Variants in WWOX observed in about 807,000 individuals in gnomAD.
WWOX encodes the protein WW domain containing oxidoreductase.
A neutral mutation model predicts 46.2 loss-of-function variants in WWOX; 69 were observed. The observed-to-expected ratio is 1.49, with a 90% CI of 1.23 to 1.82. The LOEUF (loss-of-function observed/expected upper bound fraction) is 1.82, where lower values mean the gene tolerates loss of function less well. Ranked by LOEUF, WWOX falls within the 40% of genes most tolerant of loss-of-function variation. The pLI is 0.00. For synonymous variants in WWOX, 359 were observed against 202.6 expected (o/e 1.77, Z -6.56); for missense variants, 919 against 542.6 (o/e 1.69, Z -6.89).
chr16:78,938,044 G>C (rs2045778032), intron 8 of WWOX, among the ~76,000 whole-genome samples: 1 of 152,166 alleles, frequency 6.6e-6, no homozygotes, highest in South Asian at 2.1e-4. Flanking sequence ...TGGGGAGATA[G>C]GTCACTTTCC....
chr16:78,281,204 G>C (rs567585571), intron 5 of WWOX, among the ~76,000 whole-genome samples: 1 of 152,220 alleles, frequency 6.6e-6, no homozygotes, highest in Non-Finnish European at 1.5e-5. Context: ...AAAATGACCA[G>C]ATCTCCAGAG....
chr16:78,524,155 C>G (rs2043407278), intron 8 of WWOX, among the ~76,000 whole-genome samples: 1 of 152,102 alleles, frequency 6.6e-6, no homozygotes, highest in South Asian at 2.1e-4. Flanking sequence ...GGTTGATTCC[C>G]TTCTTTCTGC....
intron 8 of WWOX, among the ~76,000 whole-genome samples, chr16:78,934,286 C>T (rs1464583942): frequency 1.4e-5 from 2 of 143,536 alleles, no homozygotes; most frequent in Non-Finnish European, 3.0e-5. Context: ...TGCAGTGAGC[C>T]GAGATCGCAC....
chr16:78,422,674 T>TATATATATATACACACACACACACAC (rs1567563240), intron 6 of WWOX, among the ~76,000 whole-genome samples: 1 of 63,228 alleles, frequency 1.6e-5, no homozygotes, highest in African/African-American at 8.8e-5. Flanking sequence ...TATATATATA[T>TATATATATATACACACACACACACAC]ATATATATAT....
rs2081950240 is a variant in WWOX, at chr16:78,381,220, A to G, written c.517-5640A>G. 2.0e-5 allele frequency among the ~76,000 whole-genome samples: 3 copies of G among 152,242 alleles called. 1 individual carries two copies. Among genetic ancestry groups the G allele is most frequent in the Admixed American group, 1.3e-4 (2 of 15,286 alleles). On this transcript the variant is annotated intron_variant, in intron 5 of 8. Transcript: ENST00000566780. ...TATCGCATCAGAGTCACATATGGCT[A>G]ATTTATAGTCATAAAATGATACTAG...
At chr16:78,384,509 C>G (rs1013885841) in intron 5 of WWOX, among the ~76,000 whole-genome samples, 4 of 152,114 alleles carry the variant, frequency 2.6e-5, no homozygotes, top group Admixed American at 2.0e-4. Flanking sequence ...AGGTACACAC[C>G]TTTCACGGGG....
At chr16:78,288,267 CTT>C (rs201333228) in intron 5 of WWOX, among the ~76,000 whole-genome samples, 115 of 124,452 alleles carry the variant, frequency 9.2e-4, no homozygotes, top group Non-Finnish European at 1.0e-3. Flanking sequence ...TATGAGTTTA[CTT>C]TTTTTTTTTT....
At chr16:79,116,423 C>T (rs1048909631) in intron 8 of WWOX, among the ~76,000 whole-genome samples, 1 of 152,178 alleles carries the variant, frequency 6.6e-6, no homozygotes, top group Non-Finnish European at 1.5e-5. Context: ...TATTCTAAAT[C>T]CTCTGTTGTC....
In WWOX at chr16:78,717,108, A is replaced by G. The variant is rs527541040; in HGVS notation, c.1056+284356A>G. 5.6e-4 allele frequency among the ~76,000 whole-genome samples: 86 copies of G among 152,346 alleles called. 1 individual carries two copies. The South Asian group carries it at 0.018, about 32-fold the overall frequency. On this transcript the variant is annotated intron_variant, in intron 8 of 8. Transcript: ENST00000566780. ...TGGTGATGACAGTGATTATTCCAAG[A>G]GATGGCTGTAAGCTCCCTGAGAACA...
intron 8 of WWOX, among the ~76,000 whole-genome samples, chr16:78,752,376 C>G (rs1312764662): frequency 6.6e-6 from 1 of 152,198 alleles, no homozygotes; most frequent in Non-Finnish European, 1.5e-5. Context: ...CAACCTCTGC[C>G]TCCTGGGTTC....
chr16:79,151,945 C>T (rs756092479), intron 8 of WWOX, among the ~76,000 whole-genome samples: 1 of 152,134 alleles, frequency 6.6e-6, no homozygotes, highest in African/African-American at 2.4e-5. Context: ...CCGAGGATAT[C>T]TGGGCTCTGA....
At chr16:78,429,242 G>T (rs369389145) in intron 7 of WWOX, among the ~76,000 whole-genome samples, 1 of 152,214 alleles carries the variant, frequency 6.6e-6, no homozygotes, top group East Asian at 1.9e-4. Flanking sequence ...AGAACAGAAG[G>T]ATGGCACAGT....
At chr16:79,147,739 C>T (rs2050207315) in intron 8 of WWOX, among the ~76,000 whole-genome samples, 1 of 152,152 alleles carries the variant, frequency 6.6e-6, no homozygotes, top group Non-Finnish European at 1.5e-5. Context: ...TCTTCACCAG[C>T]ATTTGGTGGT....
At chr16:78,815,946 G>C (rs552950549) in intron 8 of WWOX, among the ~76,000 whole-genome samples, 1 of 152,130 alleles carries the variant, frequency 6.6e-6, no homozygotes, top group African/African-American at 2.4e-5. Flanking sequence ...GCTCTCTCTC[G>C]ATGTTCCCAA....
intron 5 of WWOX, among the ~76,000 whole-genome samples, chr16:78,281,949 G>C (rs2079686454): frequency 6.6e-6 from 1 of 152,070 alleles, no homozygotes; most frequent in African/African-American, 2.4e-5. Flanking sequence ...TCTCCAAATG[G>C]GGCTGCCACT....
At chr16:78,917,912 G>C (rs1339332164) in intron 8 of WWOX, among the ~76,000 whole-genome samples, 1 of 152,154 alleles carries the variant, frequency 6.6e-6, no homozygotes, top group African/African-American at 2.4e-5. Context: ...TTAAGAAATT[G>C]TCATATAGGC....
At chr16:78,671,867 A>T (rs891411813) in intron 8 of WWOX, among the ~76,000 whole-genome samples, 2 of 151,862 alleles carry the variant, frequency 1.3e-5, no homozygotes, top group African/African-American at 4.8e-5. Context: ...ATGGATTTAC[A>T]TCTTAAAAAG....
At chr16:78,672,720 G>A (rs1597425509) in intron 8 of WWOX, among the ~76,000 whole-genome samples, 1 of 152,334 alleles carries the variant, frequency 6.6e-6, no homozygotes, top group South Asian at 2.1e-4. Flanking sequence ...ATTCCCAGAG[G>A]ACCGTTACTG....
chr16:79,168,696 C>G (rs966569125), intron 8 of WWOX, among the ~76,000 whole-genome samples: 16 of 152,034 alleles, frequency 1.1e-4, no homozygotes, highest in African/African-American at 3.9e-4. Context: ...TTTTGTGAAG[C>G]CCCTCAGGGA....
Sources: gnomAD v4.1 joint callset for allele counts (sites outside exome capture counted in the v4.1 genomes callset) on GRCh38, gnomAD v4.1.1 for gene constraint, MANE v1.5 for transcripts, NCBI Gene and HGNC (gene_info 2026-07-23, HGNC 2026-07-21) for gene names.